PRKCQ: variants seen among roughly 807,000 people sequenced by gnomAD.
PRKCQ encodes the protein protein kinase C theta type.
A neutral mutation model predicts 91.2 loss-of-function variants in PRKCQ; 41 were observed. The ratio of observed to expected loss-of-function variants is 0.45; its 90% CI spans 0.35 to 0.58. The LOEUF (loss-of-function observed/expected upper bound fraction) is 0.58, where lower values mean the gene tolerates loss of function less well. Ranked by LOEUF, PRKCQ falls within the 20% of genes least tolerant of loss-of-function variation. The probability of loss-of-function intolerance (pLI) is 0.00; values close to 1 mark genes in which losing one functional copy is unlikely to be tolerated. For missense variants in PRKCQ, 673 were observed against 896.5 expected, an observed-to-expected ratio of 0.75 and a Z score of 3.18; for synonymous variants, 307 against 316.9, an observed-to-expected ratio of 0.97 and a Z score of 0.33.
At chr10:6,512,452 T>C (rs1454984879) in intron 2 of PRKCQ, among the ~76,000 whole-genome samples, 7 of 152,250 alleles carry the variant, frequency 4.6e-5, no homozygotes, top group Non-Finnish European at 8.8e-5. Context: ...AGCCGCTCTG[T>C]GATTGGCAAA....
chr10:6,454,074 T>C lies in PRKCQ; in HGVS notation c.1647+2600A>G, dbSNP rs367666266. ...TACCCTAAAACTTAAAGTATAATAA[T>C]AATAAATAAATTAATGCAATTTAGT... is the stretch of plus-strand genomic sequence containing the variant. On this transcript the variant is annotated intron_variant, in intron 15 of 17. Transcript: ENST00000263125. 9.2e-5 allele frequency among the ~76,000 whole-genome samples: 14 copies of C among 152,242 alleles called. No individual in the cohort carries two copies. The East Asian group carries it at 1.9e-3, about 21-fold the overall frequency.
intron 16 of PRKCQ, among the ~76,000 whole-genome samples, chr10:6,437,241 G>A (rs1221972833): frequency 6.6e-6 from 1 of 152,198 alleles, no homozygotes; most frequent in Non-Finnish European, 1.5e-5. Context: ...AGGGCTTTAT[G>A]GAGATAATTC....
chr10:6,454,851 A>T (rs1029199128), intron 15 of PRKCQ, among the ~76,000 whole-genome samples: 1 of 152,190 alleles, frequency 6.6e-6, no homozygotes, highest in Non-Finnish European at 1.5e-5. Context: ...GCACTGAATC[A>T]CGTGGAGACA....
At chr10:6,407,470 A>AGTGTGT in the PRKCQ span, among the ~76,000 whole-genome samples, 597 of 148,962 alleles carry the variant, frequency 4.0e-3, 10 homozygotes, top group East Asian at 0.06. This position sits in a 1 kb window ranked among gnomAD's most constrained non-coding sequence, Gnocchi z 4.0. Context: ...GTACATGTTC[A>AGTGTGT]GTGTGTGTGT....
intron 1 of PRKCQ, among the ~76,000 whole-genome samples, chr10:6,570,264 G>A (rs1447207879): frequency 6.6e-6 from 1 of 152,178 alleles, no homozygotes; most frequent in African/African-American, 2.4e-5. Flanking sequence ...GACATGTGGG[G>A]TGAGGAAGCA....
At chr10:6,429,493 C>A (rs1001903152) in intron 17 of PRKCQ, among the ~76,000 whole-genome samples, 1 of 152,108 alleles carries the variant, frequency 6.6e-6, no homozygotes, top group Admixed American at 6.5e-5. Context: ...CCTGCTTCTT[C>A]TGGCCATTCG....
chr10:6,400,038 C>T, the PRKCQ span, among the ~76,000 whole-genome samples: 51 of 152,266 alleles, frequency 3.3e-4, no homozygotes, highest in Non-Finnish European at 6.8e-4. Flanking sequence ...CACGGTTTGA[C>T]GCACGTCAGA....
Position 6,428,075 on chromosome 10 carries a change from G to A in PRKCQ, c.*132C>T, listed in dbSNP as rs1833208219. ...TGCTACAGATAAAAGTCACATGGGG[G>A]CGAACGGGTCTCAGTCTTTATTGTT... On this transcript the variant is annotated 3_prime_UTR_variant, in exon 18 of 18. Transcript: ENST00000263125. The A allele has an allele frequency of 2.6e-6, 3 of 1,142,032 alleles. No individual in the cohort carries two copies. The Admixed American group carries it at 7.2e-5, about 27-fold the overall frequency. 70.7% of individuals were successfully genotyped at this position (1,142,032 alleles called of 1,614,324 possible).
chr10:6,506,663 C>T (rs1838217458), intron 4 of PRKCQ, among the ~76,000 whole-genome samples: 1 of 152,064 alleles, frequency 6.6e-6, no homozygotes, highest in African/African-American at 2.4e-5. Flanking sequence ...TGAATTTAGA[C>T]ACGGAGGAAT....
chr10:6,558,570 G>T (rs138887739), intron 1 of PRKCQ, among the ~76,000 whole-genome samples: 4 of 152,306 alleles, frequency 2.6e-5, no homozygotes, highest in Admixed American at 2.6e-4. Context: ...CAAACATCAT[G>T]GGTGTAACAT....
At chr10:6,496,725 A>T (rs1837628722) in intron 7 of PRKCQ, among the ~76,000 whole-genome samples, 1 of 150,076 alleles carries the variant, frequency 6.7e-6, no homozygotes, top group South Asian at 2.1e-4. Flanking sequence ...CCCAGACTGG[A>T]GTGCGGTGGC....
At chr10:6,521,932 T>TATTTATTTATTC (rs1839025695) in intron 1 of PRKCQ, among the ~76,000 whole-genome samples, 1 of 150,528 alleles carries the variant, frequency 6.6e-6, no homozygotes, top group Non-Finnish European at 1.5e-5. Flanking sequence ...GTTATTTATT[T>TATTTATTTATTC]ATTTATTTAT....
the PRKCQ span, among the ~76,000 whole-genome samples, chr10:6,403,712 T>TTATC: frequency 1.3e-5 from 2 of 152,196 alleles, no homozygotes; most frequent in African/African-American, 4.8e-5. Flanking sequence ...AATCCAGTGT[T>TTATC]TATCTCTCCT....
At chr10:6,504,013 A>G (rs1341203423) in intron 4 of PRKCQ, among the ~76,000 whole-genome samples, 2 of 152,198 alleles carry the variant, frequency 1.3e-5, no homozygotes, top group Admixed American at 6.5e-5. Flanking sequence ...CCTGGATTCA[A>G]GTGATCCTCC....
At chr10:6,553,512 A>AATAAAAAT (rs1554782549) in intron 1 of PRKCQ, among the ~76,000 whole-genome samples, 1 of 140,804 alleles carries the variant, frequency 7.1e-6, no homozygotes, top group Non-Finnish European at 1.5e-5. Flanking sequence ...AAAAAAAAAA[A>AATAAAAAT]AAAAACAAAC....
chr10:6,482,747 G>A (rs531916885), intron 11 of PRKCQ, among the ~76,000 whole-genome samples: 56 of 152,258 alleles, frequency 3.7e-4, no homozygotes, highest in South Asian at 2.3e-3. Context: ...GGGAGGCCTC[G>A]CAATCATGGT....
chr10:6,536,259 C>A (rs1839579704), intron 1 of PRKCQ, among the ~76,000 whole-genome samples: 2 of 152,172 alleles, frequency 1.3e-5, no homozygotes, highest in Admixed American at 6.5e-5. Flanking sequence ...AGGGGTATAA[C>A]CCCCAGGGTG....
chr10:6,430,688 G>C lies in PRKCQ; in HGVS notation c.1965+122C>G. On this transcript the variant is annotated intron_variant, in intron 17 of 17. Coordinates refer to ENST00000263125, the MANE Select transcript of PRKCQ (RefSeq NM_006257.5). The surrounding 1 kb of genome is among the most constrained non-coding windows in gnomAD (Gnocchi z 4.7). The stretch of plus-strand genomic sequence containing the variant: ...TAGAGACGTGCATTCCTCCTGGAGA[G>C]TGGGGCTGGTGGGGAGTTGGGGCAC... 1 of 1,374,660 alleles carries C rather than the reference G, an allele frequency of 7.3e-7. No individual in the cohort carries two copies. Among genetic ancestry groups the C allele is most frequent in the Non-Finnish European group, 1.0e-6 (1 of 1,001,062 alleles). 85.2% of individuals were successfully genotyped at this position (1,374,660 alleles called of 1,614,324 possible). A position where few individuals can be genotyped will look rare whatever the true frequency, so the allele number is the denominator to read the frequency against.
rs1181577718 is a variant in PRKCQ at position 6,570,179 on chromosome 10, G to A, written c.-10+10032C>T. Among the ~76,000 whole-genome samples, 3 of 152,244 alleles carry A rather than the reference G, an allele frequency of 2.0e-5. No individual in the cohort carries two copies. The South Asian group carries it at 6.2e-4, about 32-fold the overall frequency. ...GTAAGAGGCGGGTAGAACTCCACGG[G>A]AATCGGCCATGAGGAGAGTGCGGGT... On this transcript the variant is annotated intron_variant, in intron 1 of 17. Transcript: ENST00000263125.
Sources: allele counts gnomAD v4.1 joint callset (sites outside exome capture counted in the v4.1 genomes callset), GRCh38; gene constraint gnomAD v4.1.1; non-coding constraint Gnocchi (gnomAD v3.1); transcripts MANE v1.5; gene names NCBI Gene and HGNC (gene_info 2026-07-23, HGNC 2026-07-21).